CFAP299: variants seen among roughly 807,000 people sequenced by gnomAD.
CFAP299 encodes the protein cilia- and flagella-associated protein 299.
CFAP299 carries 21 observed loss-of-function variants against 27.0 expected under a neutral mutation model. The ratio of observed to expected loss-of-function variants is 0.78; its 90% CI spans 0.55 to 1.12. The LOEUF is 1.12. Ranked by LOEUF, CFAP299 falls within the 50% of genes most tolerant of loss-of-function variation. The pLI is 0.00. For synonymous variants in CFAP299, 104 were observed against 98.1 expected (o/e 1.06, Z -0.36); for missense variants, 310 against 276.6 (o/e 1.12, Z -0.86).
intron 2 of CFAP299, among the ~76,000 whole-genome samples, chr4:80,397,754 G>A (rs1725888097): frequency 1.3e-5 from 2 of 152,150 alleles, no homozygotes; most frequent in African/African-American, 2.4e-5. Flanking sequence ...CAAACTGGAA[G>A]CATTCCCTTT....
intron 3 of CFAP299, among the ~76,000 whole-genome samples, chr4:80,692,834 T>G (rs1352445337): frequency 1.2e-4 from 18 of 151,846 alleles, no homozygotes. Flanking sequence ...TATAATGAAC[T>G]CAAACAAATT....
chr4:80,662,011 G>T (rs1197622839), intron 3 of CFAP299, among the ~76,000 whole-genome samples: 1 of 152,136 alleles, frequency 6.6e-6, no homozygotes, highest in African/African-American at 2.4e-5. Flanking sequence ...GGTCAGACTG[G>T]TTGTCTGCTC....
At chr4:80,499,757 T>G in intron 2 of CFAP299, among the ~76,000 whole-genome samples, 1 of 152,058 alleles carries the variant, frequency 6.6e-6, no homozygotes, top group East Asian at 1.9e-4. Context: ...TAGTTCAATT[T>G]CCTCTTGATA....
chr4:80,648,547 A>C (rs560409990), intron 3 of CFAP299, among the ~76,000 whole-genome samples: 3 of 152,324 alleles, frequency 2.0e-5, no homozygotes, highest in Admixed American at 6.5e-5. Flanking sequence ...TTCTGGGACA[A>C]TGTAATTGAA....
intron 3 of CFAP299, among the ~76,000 whole-genome samples, chr4:80,816,144 TA>T (rs1729410376): frequency 6.6e-6 from 1 of 151,946 alleles, no homozygotes; most frequent in Non-Finnish European, 1.5e-5. Context: ...GAATAAGATT[TA>T]AAAAACAGAT....
chr4:80,518,824 G>A (rs1560604863), intron 2 of CFAP299, among the ~76,000 whole-genome samples: 1 of 152,120 alleles, frequency 6.6e-6, no homozygotes, highest in Non-Finnish European at 1.5e-5. Context: ...GCCTGGGTTG[G>A]CATTTGAGCT....
intron 3 of CFAP299, among the ~76,000 whole-genome samples, chr4:80,814,018 T>C (rs1167978398): frequency 1.3e-5 from 2 of 152,098 alleles, no homozygotes; most frequent in East Asian, 3.8e-4. Flanking sequence ...TATATTATTC[T>C]ACATCTTCCA....
chr4:80,410,960 A>C (rs1317095300), intron 2 of CFAP299, among the ~76,000 whole-genome samples: 1 of 152,190 alleles, frequency 6.6e-6, no homozygotes, highest in Non-Finnish European at 1.5e-5. Flanking sequence ...CATCTGCATT[A>C]GGAGAACATA....
At chr4:80,858,146 G>A (rs1266322922) in intron 3 of CFAP299, among the ~76,000 whole-genome samples, 1 of 152,204 alleles carries the variant, frequency 6.6e-6, no homozygotes, top group Admixed American at 6.5e-5. Context: ...GAGAGTGTAT[G>A]TGTCGAGGAA....
chr4:80,554,488 A>C (rs1020614543), intron 2 of CFAP299, among the ~76,000 whole-genome samples: 2 of 136,214 alleles, frequency 1.5e-5, no homozygotes, highest in African/African-American at 5.6e-5. Context: ...TTTTGAGTCT[A>C]TATACGTTTT....
At chr4:80,800,522 A>AT (rs369425504) in intron 3 of CFAP299, among the ~76,000 whole-genome samples, 31 of 4,802 alleles carry the variant, frequency 6.5e-3, no homozygotes, top group East Asian at 6.7e-3. Flanking sequence ...TATATAATAT[A>AT]TAATATATTA....
intron 3 of CFAP299, among the ~76,000 whole-genome samples, chr4:80,810,373 CAT>C (rs1729086076): frequency 6.6e-6 from 1 of 151,796 alleles, no homozygotes; most frequent in African/African-American, 2.4e-5. Flanking sequence ...CACACACACA[CAT>C]ACACACCCCT....
chr4:80,576,468 T>C (rs1735872486), intron 2 of CFAP299, among the ~76,000 whole-genome samples: 2 of 152,088 alleles, frequency 1.3e-5, no homozygotes, highest in African/African-American at 4.8e-5. Context: ...TTATGGTAAA[T>C]AAAATTATAT....
intron 2 of CFAP299, among the ~76,000 whole-genome samples, chr4:80,460,609 A>AT (rs1229276499): frequency 6.6e-6 from 1 of 152,092 alleles, no homozygotes; most frequent in African/African-American, 2.4e-5. Flanking sequence ...CTAGTTGATG[A>AT]TTTTTTTATG....
intron 3 of CFAP299, among the ~76,000 whole-genome samples, chr4:80,775,384 G>C (rs1726476600): frequency 6.6e-6 from 1 of 151,914 alleles, no homozygotes. Flanking sequence ...CAATGAGCAT[G>C]AATTACTTTC....
At chr4:80,546,858 T>C (rs1328760781) in intron 2 of CFAP299, among the ~76,000 whole-genome samples, 1 of 152,114 alleles carries the variant, frequency 6.6e-6, no homozygotes, top group East Asian at 1.9e-4. Context: ...CCTCTTTTCT[T>C]TGTAAATTGC....
chr4:80,446,160 T>C (rs1179319042), intron 2 of CFAP299, among the ~76,000 whole-genome samples: 1 of 152,202 alleles, frequency 6.6e-6, no homozygotes, highest in Non-Finnish European at 1.5e-5. Flanking sequence ...GGAAAAGGCA[T>C]AGGTGTTGTG....
At chr4:80,432,752 G>A (rs910162981) in intron 2 of CFAP299, among the ~76,000 whole-genome samples, 1 of 151,436 alleles carries the variant, frequency 6.6e-6, no homozygotes, top group Non-Finnish European at 1.5e-5. Context: ...GGATGGTCTC[G>A]ATCTTCTAAT....
chr4:80,940,678 T>C (rs1737146721), intron 4 of CFAP299, among the ~76,000 whole-genome samples: 1 of 152,160 alleles, frequency 6.6e-6, no homozygotes, highest in Admixed American at 6.6e-5. Flanking sequence ...CAATAAAATA[T>C]TTTCATTTCA....
Sources: allele counts gnomAD v4.1 joint callset (sites outside exome capture counted in the v4.1 genomes callset), GRCh38; gene constraint gnomAD v4.1.1; transcripts MANE v1.5; gene names NCBI Gene and HGNC (gene_info 2026-07-23, HGNC 2026-07-21).